Variants in CDKN2B-AS1 observed in about 807,000 individuals in gnomAD.
The protein encoded by CDKN2B-AS1 is CDKN2B and CDKN2A antisense cis and trans regulatory RNA 1.
intron 4 of CDKN2B-AS1, among the ~76,000 whole-genome samples, chr9:22,065,093 C>T (rs1473746926): frequency 6.6e-6 from 1 of 152,170 alleles, no homozygotes; most frequent in East Asian, 1.9e-4. Context: ...TAGTGGTAAG[C>T]TGGCACCTGG....
At chr9:22,093,146 C>G (rs1468948965) in intron 4 of CDKN2B-AS1, among the ~76,000 whole-genome samples, 5 of 149,798 alleles carry the variant, frequency 3.3e-5, no homozygotes. Flanking sequence ...GAGTGAGTTT[C>G]TTAATCTTGA....
At chr9:22,009,150 C>G (rs878986119) in intron 1 of CDKN2B-AS1, 5 of 709,074 alleles carry the variant, frequency 7.1e-6, no homozygotes, top group African/African-American at 1.8e-5. Flanking sequence ...GTCGTTAGCT[C>G]CGGGCTTTTC....
intron 4 of CDKN2B-AS1, among the ~76,000 whole-genome samples, chr9:22,081,179 T>TAGTTTTTACTG (rs1283354770): frequency 1.3e-5 from 2 of 152,208 alleles, no homozygotes; most frequent in African/African-American, 4.8e-5. Flanking sequence ...AGTTGTCATG[T>TAGTTTTTACTG]ACATTTTGTC....
intron 4 of CDKN2B-AS1, chr9:22,096,301 TAGAG>T (rs1825273026): frequency 6.6e-6 from 1 of 152,154 alleles, no homozygotes; most frequent in South Asian, 2.1e-4. Context: ...GTGTGAGCAT[TAGAG>T]AGAAAAAGAT....
chr9:22,043,371 C>T lies in CDKN2B-AS1; in HGVS notation n.30-3380C>T, dbSNP rs193211448. On this transcript the variant is annotated intron_variant and non_coding_transcript_variant, in intron 1 of 4. Transcript: ENST00000650946. ...TTACAAATTAAGGCTTTTCCACATT[C>T]GCTGCCTTTATAAGATTTTTTTTTC... Among the ~76,000 whole-genome samples the T allele has an allele frequency of 9.9e-5, 15 of 152,024 alleles. 1 individual carries two copies. The highest frequency in any genetic ancestry group is 2.6e-4 in the African/African-American group (11 of 41,518).
intron 4 of CDKN2B-AS1, among the ~76,000 whole-genome samples, chr9:22,115,701 T>C (rs1048057062): frequency 1.3e-5 from 2 of 152,170 alleles, no homozygotes; most frequent in East Asian, 3.9e-4. Flanking sequence ...TCCAGAATCA[T>C]TTCTATGTGA....
chr9:22,105,786 G>C (rs983762377), intron 4 of CDKN2B-AS1, among the ~76,000 whole-genome samples: 1 of 152,208 alleles, frequency 6.6e-6, no homozygotes, highest in African/African-American at 2.4e-5. Context: ...TGAAAATCAA[G>C]TGTGATAAAG....
chr9:22,092,429 T>A (rs969505289), intron 4 of CDKN2B-AS1: 1 of 152,212 alleles, frequency 6.6e-6, no homozygotes, highest in African/African-American at 2.4e-5. Flanking sequence ...TCTGGTAGAA[T>A]TCGGCTGTGA....
intron 1 of CDKN2B-AS1, among the ~76,000 whole-genome samples, chr9:22,041,138 T>C (rs894484735): frequency 1.3e-5 from 2 of 151,924 alleles, no homozygotes; most frequent in African/African-American, 4.8e-5. Context: ...GTGTAAGAGA[T>C]AAAACTGGGA....
intron 1 of CDKN2B-AS1, among the ~76,000 whole-genome samples, chr9:22,040,643 C>T: frequency 6.6e-6 from 1 of 151,958 alleles, no homozygotes; most frequent in East Asian, 1.9e-4. Flanking sequence ...TGAGTTAGTC[C>T]AGTTTAGGCA....
At chr9:22,012,264 C>T (rs1473329559) in intron 1 of CDKN2B-AS1, 2 of 1,445,784 alleles carry the variant, frequency 1.4e-6, no homozygotes, top group African/African-American at 2.8e-5. Flanking sequence ...GAGGGTATCC[C>T]CCCTGACAAG....
At chr9:22,029,580 C>G in intron 1 of CDKN2B-AS1, 6 of 765,118 alleles carry the variant, frequency 7.8e-6, no homozygotes, top group Middle Eastern at 2.3e-4. Flanking sequence ...GCCACTGAGG[C>G]CCACACCTAT....
intron 1 of CDKN2B-AS1, among the ~76,000 whole-genome samples, chr9:22,015,327 T>C (rs577132993): frequency 6.6e-6 from 1 of 152,304 alleles, no homozygotes; most frequent in Non-Finnish European, 1.5e-5. Context: ...TTCATTTTCC[T>C]ATGAAAAAGT....
rs1422575612 is a variant in CDKN2B-AS1, at chr9:22,006,152, C to G, written n.29+10991C>G. 1.9e-6 allele frequency: 3 copies of G among 1,611,758 alleles called. No homozygotes were observed. The highest frequency in any genetic ancestry group is 2.5e-6 in the Non-Finnish European group (3 of 1,179,874). On this transcript the variant is annotated intron_variant and non_coding_transcript_variant, in intron 1 of 4. Coordinates refer to ENST00000650946, the Ensembl canonical transcript of CDKN2B-AS1. The surrounding 1 kb of genome is among the most constrained non-coding windows in gnomAD (Gnocchi z 6.4). ...GGAAGCCCTCCCGGGCAGCATCATG[C>G]ACCGGTCGGGTGAGAGTGGCAGGGT...
intron 4 of CDKN2B-AS1, among the ~76,000 whole-genome samples, chr9:22,062,634 C>T (rs1223999105): frequency 6.6e-6 from 1 of 151,986 alleles, no homozygotes; most frequent in East Asian, 1.9e-4. Context: ...TTGGAGATAT[C>T]GTTGGCTCTA....
intron 4 of CDKN2B-AS1, among the ~76,000 whole-genome samples, chr9:22,086,063 C>T (rs1587510948): frequency 6.6e-6 from 1 of 152,058 alleles, no homozygotes; most frequent in East Asian, 1.9e-4. Context: ...TCTGCTATTA[C>T]TAGATTTATA....
rs1317530267 is a variant in CDKN2B-AS1 at position 22,001,925 on chromosome 9, CTT to C, written n.29+6766_29+6767del. ...CTTGTTTCACTTTTCTTCATTCCCT[CTT>C]TCTTTCCTGTCGTTATAAGTAGAAT... On this transcript the variant is annotated intron_variant and non_coding_transcript_variant, in intron 1 of 4. Coordinates refer to ENST00000650946, the Ensembl canonical transcript of CDKN2B-AS1. The surrounding 1 kb of genome is among the most constrained non-coding windows in gnomAD (Gnocchi z 4.2). Among the ~76,000 whole-genome samples, 1 of 152,084 alleles carries C rather than the reference CTT, an allele frequency of 6.6e-6. No homozygotes were observed. The highest frequency in any genetic ancestry group is 2.4e-5 in the African/African-American group (1 of 41,434).
intron 4 of CDKN2B-AS1, among the ~76,000 whole-genome samples, chr9:22,069,704 A>T (rs1302450569): frequency 1.3e-5 from 2 of 152,068 alleles, no homozygotes; most frequent in African/African-American, 4.8e-5. Context: ...CTTTCGTAAT[A>T]TCAATACCTT....
intron 2 of CDKN2B-AS1, among the ~76,000 whole-genome samples, chr9:22,047,355 C>A (rs1427789654): frequency 2.0e-5 from 3 of 152,228 alleles, no homozygotes; most frequent in Admixed American, 2.0e-4. Flanking sequence ...GAGGGAAAGA[C>A]CACATGCTGG....
Sources: gnomAD v4.1 joint callset for allele counts (sites outside exome capture counted in the v4.1 genomes callset) on GRCh38, gnomAD v4.1.1 for gene constraint, Gnocchi (gnomAD v3.1) non-coding constraint, MANE v1.5 for transcripts, NCBI Gene and HGNC (gene_info 2026-07-23, HGNC 2026-07-21) for gene names.